The following ESR1 variants were observed in gnomAD, a reference collection of about 807,000 sequenced individuals.
ESR1 encodes the protein estrogen receptor.
Under a neutral mutation model 52.7 loss-of-function variants are expected in ESR1, and 12 were observed. The observed-to-expected ratio is 0.23, with a 90% CI of 0.15 to 0.37. The LOEUF (loss-of-function observed/expected upper bound fraction) is 0.37, where lower values mean the gene tolerates loss of function less well. ESR1 is among the 10% of genes least tolerant of loss of function. The pLI, the probability that ESR1 is intolerant of heterozygous loss-of-function variation, is 1.00. For missense variants in ESR1, 584 were observed against 779.7 expected (o/e 0.75, Z 2.99); for synonymous variants, 305 against 316.8 (o/e 0.96, Z 0.39).
chr6:151,824,533 A>G (rs551464526), intron 1 of ESR1, among the ~76,000 whole-genome samples: 57 of 152,338 alleles, frequency 3.7e-4, no homozygotes, highest in South Asian at 1.4e-3. Context: ...TGCTTTGGAC[A>G]TGAAGTCCTT....
chr6:151,857,921 G>T (rs1362197423), intron 2 of ESR1, among the ~76,000 whole-genome samples: 2 of 151,988 alleles, frequency 1.3e-5, no homozygotes, highest in Non-Finnish European at 2.9e-5. Context: ...TGTTCTTTTT[G>T]CATATCTGTA....
intron 1 of ESR1, among the ~76,000 whole-genome samples, chr6:151,657,264 C>A (rs1312084925): frequency 6.6e-6 from 1 of 152,052 alleles, no homozygotes; most frequent in Non-Finnish European, 1.5e-5. Flanking sequence ...ACATTTAAGA[C>A]CCACTGCACC....
At chr6:152,048,756 A>G (rs962050937) in intron 5 of ESR1, among the ~76,000 whole-genome samples, 5 of 152,248 alleles carry the variant, frequency 3.3e-5, no homozygotes, top group African/African-American at 9.6e-5. Context: ...GTATTCAGCT[A>G]AAACTGAGTT....
chr6:151,808,406 C>G (rs747052712), intron 1 of ESR1, 42 bp downstream of exon 1: 3 of 275,834 alleles, frequency 1.1e-5, no homozygotes, highest in South Asian at 6.3e-5. Flanking sequence ...CCGCCGCGCC[C>G]GGCAGGAGGG....
intron 6 of ESR1, among the ~76,000 whole-genome samples, chr6:152,111,480 T>C (rs1188517312): frequency 1.3e-5 from 2 of 152,188 alleles, no homozygotes; most frequent in African/African-American, 2.4e-5. Flanking sequence ...ACCTGCAACC[T>C]GCCATCAGCT....
intron 3 of ESR1, among the ~76,000 whole-genome samples, chr6:151,911,096 C>T (rs1262732524): frequency 1.3e-5 from 2 of 152,194 alleles, no homozygotes; most frequent in African/African-American, 4.8e-5. Flanking sequence ...TGCTCACCTC[C>T]TGCTGTGTGG....
intron 5 of ESR1, among the ~76,000 whole-genome samples, chr6:152,058,471 A>G (rs2047285042): frequency 6.6e-6 from 1 of 152,218 alleles, no homozygotes; most frequent in Non-Finnish European, 1.5e-5. Context: ...TGTATTTATC[A>G]GTATATCTAT....
At chr6:151,970,229 T>C (rs927964745) in intron 4 of ESR1, among the ~76,000 whole-genome samples, 10 of 152,120 alleles carry the variant, frequency 6.6e-5, no homozygotes, top group African/African-American at 1.9e-4. Flanking sequence ...GCCAGTGATA[T>C]AGAGTAGTAG....
At chr6:151,959,268 T>C (rs1475208795) in intron 4 of ESR1, among the ~76,000 whole-genome samples, 1 of 152,208 alleles carries the variant, frequency 6.6e-6, no homozygotes, top group Non-Finnish European at 1.5e-5. Context: ...TTGAATTATG[T>C]CATTAATCAA....
chr6:151,841,069 C>T (rs976186041), intron 1 of ESR1, among the ~76,000 whole-genome samples: 6 of 152,168 alleles, frequency 3.9e-5, no homozygotes, highest in African/African-American at 1.4e-4. Context: ...AAGTTGTCTT[C>T]ATTGAGGCAA....
At chr6:151,979,474 AATG>A (rs1474905195) in intron 4 of ESR1, among the ~76,000 whole-genome samples, 1 of 152,170 alleles carries the variant, frequency 6.6e-6, no homozygotes, top group Non-Finnish European at 1.5e-5. Flanking sequence ...CAGTAAAATA[AATG>A]ATTAGTCTCA....
intron 2 of ESR1, among the ~76,000 whole-genome samples, chr6:151,736,560 T>C (rs1484085522): frequency 6.6e-6 from 1 of 151,944 alleles, no homozygotes; most frequent in Non-Finnish European, 1.5e-5. Context: ...CTTTAGTCTC[T>C]ACTAAACAGG....
chr6:151,766,579 A>G (rs922845343), intron 2 of ESR1, among the ~76,000 whole-genome samples: 1 of 152,150 alleles, frequency 6.6e-6, no homozygotes, highest in African/African-American at 2.4e-5. Flanking sequence ...TCAAGATTCT[A>G]TTTGAATTTT....
intron 1 of ESR1, among the ~76,000 whole-genome samples, chr6:151,821,272 A>G (rs1583468816): frequency 6.6e-6 from 1 of 152,254 alleles, no homozygotes; most frequent in East Asian, 1.9e-4. Context: ...GCAGGATGAC[A>G]GAATACCTAA....
At chr6:152,019,292 C>G (rs2043428955) in intron 5 of ESR1, among the ~76,000 whole-genome samples, 2 of 152,160 alleles carry the variant, frequency 1.3e-5, no homozygotes, top group African/African-American at 4.8e-5. Flanking sequence ...CACGTACACA[C>G]ACATATTGGA....
At chr6:151,798,068 C>T (rs1776877516) in intron 2 of ESR1, among the ~76,000 whole-genome samples, 1 of 152,124 alleles carries the variant, frequency 6.6e-6, no homozygotes, top group Admixed American at 6.6e-5. Flanking sequence ...ACTCTGGGTA[C>T]ACTGCCGAAA....
chr6:151,725,926 A>C (rs1169737422), intron 2 of ESR1, among the ~76,000 whole-genome samples: 1 of 152,250 alleles, frequency 6.6e-6, no homozygotes, highest in Non-Finnish European at 1.5e-5. Flanking sequence ...AAGTGAACTT[A>C]AACTGAGTTG....
At chr6:151,714,213 A>T (rs887794302) in intron 2 of ESR1, among the ~76,000 whole-genome samples, 6 of 151,672 alleles carry the variant, frequency 4.0e-5, no homozygotes, top group Non-Finnish European at 7.4e-5. Context: ...GACTGTTAGG[A>T]TTTCCATTCT....
chr6:151,796,929 C>A (rs953246985), intron 2 of ESR1, among the ~76,000 whole-genome samples: 7 of 152,218 alleles, frequency 4.6e-5, no homozygotes, highest in African/African-American at 1.7e-4. Context: ...CCTTGGCCAA[C>A]CACCTTCCTC....
Sources: allele counts gnomAD v4.1 joint callset (sites outside exome capture counted in the v4.1 genomes callset), GRCh38; gene constraint gnomAD v4.1.1; transcripts MANE v1.5; gene names NCBI Gene and HGNC (gene_info 2026-07-23, HGNC 2026-07-21).